The following ZBTB14 variants were observed in gnomAD, a reference collection of about 807,000 sequenced individuals.
ZBTB14 encodes the protein zinc finger and BTB domain-containing protein 14.
ZBTB14 carries 8 observed loss-of-function variants against 29.5 expected under a neutral mutation model. The observed-to-expected ratio is 0.27, with a 90% CI of 0.16 to 0.49. ZBTB14 has a LOEUF of 0.49. Ranked by LOEUF, ZBTB14 falls within the 20% of genes least tolerant of loss-of-function variation. The pLI, the probability that ZBTB14 is intolerant of heterozygous loss-of-function variation, is 0.99. For missense variants in ZBTB14, 333 were observed against 563.8 expected (o/e 0.59, Z 4.15); for synonymous variants, 226 against 207.2 (o/e 1.09, Z -0.78).
rs2071880008 is a variant in ZBTB14, at chr18:5,293,968, T to G, written c.-82+4A>C. ...TCAGCTTTTTTGTGAGTTTTAACTCTTACCGGAAGAACTCCATCCTGCAGA... is the reference window on the plus strand; with the variant it reads ...TCAGCTTTTTTGTGAGTTTTAACTCGTACCGGAAGAACTCCATCCTGCAGA... On this transcript the variant is annotated splice_donor_region_variant and intron_variant, in intron 2 of 3. Transcript: ENST00000651870. 1 of 152,252 alleles carries G rather than the reference T, an allele frequency of 6.6e-6. No individual in the cohort carries two copies. The highest frequency in any genetic ancestry group is 1.5e-5 in the Non-Finnish European group (1 of 68,048). 9.4% of individuals were successfully genotyped at this position (152,252 alleles called of 1,614,324 possible).
chr18:5,291,286 CACAA>C lies in ZBTB14; in HGVS notation c.918_921del (p.Cys307LysfsTer13). On this transcript the variant is annotated frameshift_variant, in exon 4 of 4. Transcript: ENST00000651870. LOFTEE classifies it high-confidence loss of function. The surrounding 1 kb of genome is among the most constrained non-coding windows in gnomAD (Gnocchi z 5.8). ...GTGGTGAAACCTTTTGTGCACATTT[CACAA>C]ACAAATGGCCTGTCCGCCGTGTGGA... 6.2e-7 allele frequency: 1 copy of C among 1,614,240 alleles called. No homozygotes were observed. The highest frequency in any genetic ancestry group is 8.5e-7 in the Non-Finnish European group (1 of 1,180,046).
chr18:5,291,483 T>C lies in ZBTB14; in HGVS notation c.725A>G (p.Asn242Ser). 2 of 1,614,218 alleles carry C rather than the reference T, an allele frequency of 1.2e-6. No individual in the cohort carries two copies. The highest frequency in any genetic ancestry group is 1.7e-6 in the Non-Finnish European group (2 of 1,180,046). Residue 242 changes from asparagine (N) to serine (S), a missense_variant, in exon 4 of 4, where the codon AAT becomes AGT. Asn to Ser is a conservative substitution (Grantham distance 46). Transcript: ENST00000651870. The surrounding 1 kb of genome is among the most constrained non-coding windows in gnomAD (Gnocchi z 5.8). ...ATCTTTCACTTCACTCATCCCATCA[T>C]TAAATGTTAAGGCTTGAGGGGTCTG... ...GSQTPQALTF[N>S]DGMSEVKDEQ...
At position 5,289,226 on chromosome 18, in the gene ZBTB14, G is replaced by T. The variant is rs906226318; in HGVS notation, c.*1632C>A. 3.3e-5 allele frequency: 5 copies of T among 152,060 alleles called. No individual in the cohort carries two copies. The highest frequency in any genetic ancestry group is 1.2e-4 in the African/African-American group (5 of 41,414). The allele number at this position is 152,060 out of a possible 1,614,324, so 9.4% of individuals were successfully genotyped here. On this transcript the variant is annotated 3_prime_UTR_variant, in exon 4 of 4. Transcript: ENST00000651870. ...ACAGAATAAACAACTTTCAAGAAAA[G>T]AAATTAATTTTAAGTAAAATTAAAC...
At chr18:5,296,629 T>A (rs2071974792), upstream of ZBTB14, among the ~76,000 whole-genome samples, 1 of 151,438 alleles carries the variant, frequency 6.6e-6, no homozygotes, top group Non-Finnish European at 1.5e-5. Flanking sequence ...GCACATTGAG[T>A]TTGTGGGGGA....
Position 5,290,656 on chromosome 18 carries a change from G to C in ZBTB14, c.*202C>G, listed in dbSNP as rs1424917944. ...AACATTAATACTAGACACCAGACAA[G>C]ACAGTGAAACGGTTTGGTCAGAACT... On this transcript the variant is annotated 3_prime_UTR_variant, in exon 4 of 4. Transcript: ENST00000651870. 7.4e-6 allele frequency: 5 copies of C among 676,432 alleles called. No individual in the cohort carries two copies. Among genetic ancestry groups the C allele is most frequent in the Non-Finnish European group, 1.2e-5 (5 of 426,450 alleles). 41.9% of individuals were successfully genotyped at this position (676,432 alleles called of 1,614,324 possible).
rs1319629827 is a variant in ZBTB14 at position 5,290,242 on chromosome 18, G to A, written c.*616C>T. On this transcript the variant is annotated 3_prime_UTR_variant, in exon 4 of 4. Coordinates refer to ENST00000651870, the MANE Select transcript of ZBTB14 (RefSeq NM_001243702.2). ...GGGTAGGTACAGGGCAATCAAGATT[G>A]AGGAAGAACACTTCAGCAAAGCAAC... 6.6e-6 allele frequency: 1 copy of A among 152,440 alleles called. No homozygotes were observed. The highest frequency in any genetic ancestry group is 1.5e-5 in the Non-Finnish European group (1 of 68,230). 9.4% of individuals were successfully genotyped at this position (152,440 alleles called of 1,614,324 possible).
chr18:5,295,921 G>A (rs1026909617), upstream of ZBTB14: 5 of 150,708 alleles, frequency 3.3e-5, no homozygotes, highest in African/African-American at 1.2e-4. Flanking sequence ...GGGTGGCAGT[G>A]TGTTTTGGAT....
At chr18:5,294,509 C>CCT (rs879857845) in intron 1 of ZBTB14, among the ~76,000 whole-genome samples, 14 of 152,200 alleles carry the variant, frequency 9.2e-5, no homozygotes, top group Admixed American at 4.6e-4. Flanking sequence ...GCCCCTCTCC[C>CCT]CTCTCTCTCT....
At chr18:5,293,155 T>C in intron 3 of ZBTB14, 89 bp downstream of exon 3, 3 of 1,322,496 alleles carry the variant, frequency 2.3e-6, no homozygotes, top group East Asian at 2.4e-5. Flanking sequence ...CAAATAGAAG[T>C]GTTCATGCAC....
rs761432696 is a variant in ZBTB14, at chr18:5,291,835, AAC to A, written c.371_372del (p.Cys124PhefsTer5). On this transcript the variant is annotated frameshift_variant, in exon 4 of 4. Coordinates refer to ENST00000651870, the MANE Select transcript of ZBTB14 (RefSeq NM_001243702.2). LOFTEE classifies it high-confidence loss of function. This position sits in a 1 kb window ranked among gnomAD's most constrained non-coding sequence, Gnocchi z 5.8. The stretch of plus-strand genomic sequence containing the variant: ...GGACTGGACACATCACGCTTCTGAG[AAC>A]ACAGTTTATCCAAAAATCGGATACC... ...ILGIRFLDKL[C>X]SQKRDVSSPD... is the part of the protein sequence containing the mutation. 6.2e-7 allele frequency: 1 copy of A among 1,614,132 alleles called. No homozygotes were observed. Among genetic ancestry groups the A allele is most frequent in the Non-Finnish European group, 8.5e-7 (1 of 1,180,002 alleles).
chr18:5,291,821 A>G lies in ZBTB14; in HGVS notation c.387T>C (p.Asp129=), dbSNP rs772698050. 3.7e-6 allele frequency: 6 copies of G among 1,614,082 alleles called. No homozygotes were observed. In the Admixed American group the frequency reaches 1.0e-4, roughly 27 times the overall value. ...CATTGTTTTCATCGGGACTGGACAC[A>G]TCACGCTTCTGAGAACACAGTTTAT... is the stretch of plus-strand genomic sequence containing the variant. The part of the protein sequence containing the change: ...FLDKLCSQKR[D]VSSPDENNGQ... The change falls in exon 4 of 4, where the codon GAT becomes GAC. Residue 129 remains aspartate (D), a synonymous_variant. Transcript: ENST00000651870. The surrounding 1 kb of genome is among the most constrained non-coding windows in gnomAD (Gnocchi z 5.8).
chr18:5,296,270 G>A (rs1238645211), upstream of ZBTB14: 10 of 149,958 alleles, frequency 6.7e-5, no homozygotes, highest in African/African-American at 2.4e-4. Flanking sequence ...GAGCCCGCGC[G>A]CGGGAGAAGG....
Position 5,291,624 on chromosome 18 carries a change from A to G in ZBTB14, c.584T>C (p.Leu195Pro). ...TTTCAGGATCGCTTCCTGAACCCTG[A>G]GCGTTGTGGTGGGCGACTTGCCGTC... ...QEDGKSPTTT[L>P]RVQEAILKEL... The change falls in exon 4 of 4, where the codon CTC becomes CCC. Residue 195 changes from leucine to proline, a missense_variant. Transcript: ENST00000651870. This position sits in a 1 kb window ranked among gnomAD's most constrained non-coding sequence, Gnocchi z 5.8. The G allele has an allele frequency of 6.2e-7, 1 of 1,613,392 alleles. No homozygotes were observed. Among genetic ancestry groups the G allele is most frequent in the Non-Finnish European group, 8.5e-7 (1 of 1,179,900 alleles).
Position 5,291,781 on chromosome 18 carries a change from T to TA in ZBTB14, c.426dup (p.Lys143Ter). 1 of 1,613,990 alleles carries TA rather than the reference T, an allele frequency of 6.2e-7. No homozygotes were observed. The highest frequency in any genetic ancestry group is 1.1e-5 in the South Asian group (1 of 91,046). ...GGGCGATTTATTTTAAGGCAATACT[T>TA]ACTTTTGGACTGACCATTGTTTTCA... On this transcript the variant is annotated frameshift_variant, in exon 4 of 4. Transcript: ENST00000651870. LOFTEE classifies it high-confidence loss of function. This position sits in a 1 kb window ranked among gnomAD's most constrained non-coding sequence, Gnocchi z 5.8.
chr18:5,292,779 A>G (rs1422588058), intron 3 of ZBTB14, among the ~76,000 whole-genome samples: 2 of 152,366 alleles, frequency 1.3e-5, no homozygotes, highest in East Asian at 3.9e-4. Context: ...TTACTATTGC[A>G]GAACTAGAGA....
intron 1 of ZBTB14, among the ~76,000 whole-genome samples, chr18:5,295,345 C>T (rs1024047933): frequency 7.0e-6 from 1 of 143,496 alleles, no homozygotes; most frequent in African/African-American, 2.5e-5. Flanking sequence ...CCCGGGAGTG[C>T]GTGCGCTGGG....
chr18:5,289,396 AATTT>A lies in ZBTB14; in HGVS notation c.*1458_*1461del, dbSNP rs1323543672. 1 of 152,208 alleles carries A rather than the reference AATTT, an allele frequency of 6.6e-6. No individual in the cohort carries two copies. The highest frequency in any genetic ancestry group is 1.5e-5 in the Non-Finnish European group (1 of 68,022). The allele number at this position is 152,208 out of a possible 1,614,324, so 9.4% of individuals were successfully genotyped here. On this transcript the variant is annotated 3_prime_UTR_variant, in exon 4 of 4. Transcript: ENST00000651870. ...ACAAGCTATGAAGTGAAATTACTTT[AATTT>A]TTTTAAAAGAAATCCTAGCAATGAA...
Position 5,291,636 on chromosome 18 carries a change from G to A in ZBTB14, c.572C>T (p.Pro191Leu). Residue 191 changes from proline to leucine, a missense_variant, in exon 4 of 4, where the codon CCC becomes CTC. Pro to Leu is a moderately conservative substitution (Grantham distance 98, BLOSUM62 -3). Coordinates refer to ENST00000651870, the MANE Select transcript of ZBTB14 (RefSeq NM_001243702.2). This position sits in a 1 kb window ranked among gnomAD's most constrained non-coding sequence, Gnocchi z 5.8. ...TTCCTGAACCCTGAGCGTTGTGGTG[G>A]GCGACTTGCCGTCCTCCTGACTCGG... ...TPPSQEDGKS[P>L]TTTLRVQEAI... 2 of 1,613,886 alleles carry A rather than the reference G, an allele frequency of 1.2e-6. No individual in the cohort carries two copies. The highest frequency in any genetic ancestry group is 1.7e-6 in the Non-Finnish European group (2 of 1,180,022).
At chr18:5,293,029 A>G (rs1020168177) in intron 3 of ZBTB14, among the ~76,000 whole-genome samples, 3 of 152,242 alleles carry the variant, frequency 2.0e-5, no homozygotes, top group Non-Finnish European at 4.4e-5. Context: ...AAAATTTGGA[A>G]CTGGCATGAA....
Sources: allele counts gnomAD v4.1 joint callset (sites outside exome capture counted in the v4.1 genomes callset), GRCh38; gene constraint gnomAD v4.1.1; non-coding constraint Gnocchi (gnomAD v3.1); transcripts MANE v1.5; gene names NCBI Gene and HGNC (gene_info 2026-07-23, HGNC 2026-07-21).